Variants in SASS6 observed in about 807,000 individuals in gnomAD.
SASS6 encodes spindle assembly abnormal protein 6 homolog.
SASS6 carries 59 observed loss-of-function variants against 94.9 expected under a neutral mutation model. The ratio of observed to expected loss-of-function variants is 0.62; its 90% confidence interval spans 0.50 to 0.77. The LOEUF is 0.77. Ranked by LOEUF, SASS6 falls within the 30% of genes least tolerant of loss-of-function variation. The probability of loss-of-function intolerance (pLI) is 0.00; values close to 1 mark genes in which losing one functional copy is unlikely to be tolerated. For synonymous variants in SASS6, 264 were observed against 270.0 expected (o/e 0.98, Z 0.22); for missense variants, 698 against 734.1 (o/e 0.95, Z 0.57).
At chr1:100,119,626 G>A (rs375845974) in intron 6 of SASS6, among the ~76,000 whole-genome samples, 3 of 152,274 alleles carry the variant, frequency 2.0e-5, no homozygotes, top group East Asian at 1.9e-4. Context: ...TAGGTGATTG[G>A]ATCATGGGAA....
intron 7 of SASS6, 65 bp downstream of exon 7, chr1:100,118,953 T>C: frequency 8.0e-7 from 1 of 1,247,446 alleles, no homozygotes; most frequent in Non-Finnish European, 1.1e-6. Context: ...TATATTACTT[T>C]TAAAATTAAC....
At chr1:100,132,076 G>T (rs1655081488) in intron 1 of SASS6, among the ~76,000 whole-genome samples, 1 of 152,162 alleles carries the variant, frequency 6.6e-6, no homozygotes, top group Admixed American at 6.5e-5. Flanking sequence ...CTGTGCGACT[G>T]GTCTTTATTT....
chr1:100,110,275 A>T lies in SASS6; in HGVS notation c.861+17T>A. 2 of 1,479,650 alleles carry T rather than the reference A, an allele frequency of 1.4e-6. No individual in the cohort carries two copies. Among genetic ancestry groups the T allele is most frequent in the Non-Finnish European group, 1.8e-6 (2 of 1,104,768 alleles). The allele number at this position is 1,479,650 out of a possible 1,614,324, so 91.7% of individuals were successfully genotyped here. A position where few individuals can be genotyped will look rare whatever the true frequency, so the allele number is the denominator to read the frequency against. On this transcript the variant is annotated intron_variant, in intron 8 of 16. Coordinates refer to ENST00000287482, the MANE Select transcript of SASS6 (RefSeq NM_194292.3). ...GTTCTCTTAAATTGGGGGAGGAAAA[A>T]AAACAACATTCAATACCTCTTCAAC...
chr1:100,116,123 G>C (rs2101677257), intron 7 of SASS6, among the ~76,000 whole-genome samples: 1 of 152,240 alleles, frequency 6.6e-6, no homozygotes, highest in African/African-American at 2.4e-5. Context: ...AAAGATGCTG[G>C]CAAATGACAG....
At chr1:100,100,760 T>C (rs1193525034) in intron 14 of SASS6, among the ~76,000 whole-genome samples, 1 of 152,238 alleles carries the variant, frequency 6.6e-6, no homozygotes, top group African/African-American at 2.4e-5. Flanking sequence ...TTTTAAAAAC[T>C]GTAATTCAAA....
intron 7 of SASS6, among the ~76,000 whole-genome samples, chr1:100,113,642 G>A (rs1653558966): frequency 6.9e-6 from 1 of 145,068 alleles, no homozygotes; most frequent in African/African-American, 2.5e-5. Context: ...AGAAAATCAA[G>A]CCAAAAAAAA....
In SASS6 at chr1:100,124,607, C is replaced by T. The variant is rs186265956; in HGVS notation, c.126+1275G>A. ...ATGTTGCCTACACTGGTTTCAAACT[C>T]CTGGCTCAAGCAATCTGCCTACTTC... On this transcript the variant is annotated intron_variant, in intron 2 of 16. Coordinates refer to ENST00000287482, the MANE Select transcript of SASS6 (RefSeq NM_194292.3). Among the ~76,000 whole-genome samples the T allele has an allele frequency of 8.5e-5, 13 of 152,288 alleles. No homozygotes were observed. In the East Asian group the frequency reaches 2.5e-3, roughly 29 times the overall value.
chr1:100,109,565 C>T (rs374416678), intron 8 of SASS6, among the ~76,000 whole-genome samples: 6 of 152,046 alleles, frequency 3.9e-5, no homozygotes, highest in African/African-American at 1.4e-4. Flanking sequence ...CAAACCTGCA[C>T]ATTCTGTACA....
At chr1:100,096,650 G>C (rs1294065518) in intron 14 of SASS6, among the ~76,000 whole-genome samples, 1 of 152,184 alleles carries the variant, frequency 6.6e-6, no homozygotes. Flanking sequence ...TAAAGGACTT[G>C]TATCCAGAAT....
At chr1:100,095,874 T>C (rs1440449776) in intron 14 of SASS6, among the ~76,000 whole-genome samples, 7 of 152,204 alleles carry the variant, frequency 4.6e-5, no homozygotes, top group Admixed American at 2.0e-4. Flanking sequence ...GACTTATATA[T>C]TGAAAACTGC....
At chr1:100,087,177 T>C (rs939978589) in intron 15 of SASS6, among the ~76,000 whole-genome samples, 1 of 151,896 alleles carries the variant, frequency 6.6e-6, no homozygotes, top group Middle Eastern at 3.4e-3. Flanking sequence ...AGATGGAGTT[T>C]CACCATGTTG....
chr1:100,123,503 TC>T (rs1654355017), intron 2 of SASS6, among the ~76,000 whole-genome samples: 1 of 152,164 alleles, frequency 6.6e-6, no homozygotes, highest in African/African-American at 2.4e-5. Flanking sequence ...CACATGGAGG[TC>T]TGTAAAAGTT....
chr1:100,115,421 C>T (rs946583161), intron 7 of SASS6, among the ~76,000 whole-genome samples: 1 of 151,434 alleles, frequency 6.6e-6, no homozygotes, highest in African/African-American at 2.4e-5. Flanking sequence ...CTGTTTTCAA[C>T]AAATAAGACC....
intron 14 of SASS6, among the ~76,000 whole-genome samples, chr1:100,088,755 A>G (rs1393398791): frequency 2.6e-5 from 4 of 152,056 alleles, no homozygotes; most frequent in Non-Finnish European, 4.4e-5. Flanking sequence ...GGATCACTTA[A>G]GCCCTGGAGT....
intron 6 of SASS6, 121 bp downstream of exon 6, chr1:100,120,273 A>G: frequency 1.6e-6 from 1 of 608,734 alleles, no homozygotes; most frequent in Non-Finnish European, 3.0e-6. Flanking sequence ...GCAAAGAGGA[A>G]TGGAAATTCA....
intron 8 of SASS6, 56 bp from the exon 9 acceptor site, chr1:100,108,060 T>C: frequency 2.0e-6 from 2 of 1,017,612 alleles, no homozygotes; most frequent in South Asian, 3.2e-5. Context: ...CTGCCTCATC[T>C]GGTTATTTAT....
At chr1:100,102,286 A>G (rs1265078026) in intron 14 of SASS6, among the ~76,000 whole-genome samples, 1 of 152,118 alleles carries the variant, frequency 6.6e-6, no homozygotes, top group Non-Finnish European at 1.5e-5. Context: ...AATTCTAGCA[A>G]TGGACTCCAA....
chr1:100,129,530 C>T (rs190360171), intron 1 of SASS6, among the ~76,000 whole-genome samples: 21 of 152,278 alleles, frequency 1.4e-4, no homozygotes, highest in African/African-American at 4.8e-4. Flanking sequence ...GGTCACATTA[C>T]AGAGCCCAAA....
At chr1:100,108,309 T>C (rs58040672) in intron 8 of SASS6, among the ~76,000 whole-genome samples, 2 of 152,124 alleles carry the variant, frequency 1.3e-5, no homozygotes, top group Non-Finnish European at 2.9e-5. Context: ...CCACAACTGA[T>C]TCCAAGGGTA....
Sources: allele counts gnomAD v4.1 joint callset (sites outside exome capture counted in the v4.1 genomes callset), GRCh38; gene constraint gnomAD v4.1.1; transcripts MANE v1.5; gene names NCBI Gene and HGNC (gene_info 2026-07-23, HGNC 2026-07-21).